PRELID2: variants seen among roughly 807,000 people sequenced by gnomAD.
PRELID2 encodes the protein PRELI domain-containing protein 2.
PRELID2 carries 25 observed loss-of-function variants against 28.4 expected under a neutral mutation model. That is an observed-to-expected ratio of 0.88 (90% CI 0.64 to 1.23). The LOEUF (loss-of-function observed/expected upper bound fraction) is 1.23. Ranked by LOEUF, PRELID2 falls within the 50% of genes most tolerant of loss-of-function variation. The probability of loss-of-function intolerance (pLI) is 0.00; values close to 1 mark genes in which losing one functional copy is unlikely to be tolerated. For missense variants in PRELID2, 201 were observed against 214.4 expected, an observed-to-expected ratio of 0.94 and a Z score of 0.39; for synonymous variants, 76 against 71.6, an observed-to-expected ratio of 1.06 and a Z score of -0.31.
In PRELID2 at chr5:145,799,065, T is replaced by G. The variant is rs192143862; in HGVS notation, c.369-2518A>C. 3.0e-3 allele frequency among the ~76,000 whole-genome samples: 456 copies of G among 149,556 alleles called. 4 individuals are homozygous for G. Among genetic ancestry groups the G allele is most frequent in the African/African-American group, 0.01 (419 of 40,248 alleles). On this transcript the variant is annotated intron_variant, in intron 4 of 6. Coordinates refer to ENST00000683046, the MANE Select transcript of PRELID2 (RefSeq NM_205846.3). ...ATAAAAGACTCACACCAAGACACAT[T>G]ATAGTCAAACTGTCAAAAGTCACAG...
At chr5:145,613,625 T>A (rs1340953407) in intron 1 of PRELID2, among the ~76,000 whole-genome samples, 4 of 152,092 alleles carry the variant, frequency 2.6e-5, no homozygotes, top group Non-Finnish European at 5.9e-5. Context: ...CATTTGTATA[T>A]CTTCTTTTGA....
At chr5:145,363,036 A>C in the PRELID2 span, among the ~76,000 whole-genome samples, 1 of 145,984 alleles carries the variant, frequency 6.9e-6, no homozygotes. Flanking sequence ...TTTCTTCTCC[A>C]CCATAGAGAT....
the PRELID2 span, among the ~76,000 whole-genome samples, chr5:145,337,686 AATATATATATATATATAT>A: frequency 0.26 from 21,081 of 80,124 alleles, 2,469 homozygotes; most frequent in Middle Eastern, 0.37. Context: ...GCATAGGGCA[AATATATATATATATATAT>A]ATATATATAT....
chr5:145,745,369 A>C (rs886889578), intron 1 of PRELID2, among the ~76,000 whole-genome samples: 1 of 152,210 alleles, frequency 6.6e-6, no homozygotes, highest in Non-Finnish European at 1.5e-5. Flanking sequence ...AACACCACTA[A>C]GATATTCCAT....
chr5:145,458,771 T>C, the PRELID2 span, among the ~76,000 whole-genome samples: 3 of 152,240 alleles, frequency 2.0e-5, no homozygotes, highest in African/African-American at 4.8e-5. Context: ...ATTGATTTCA[T>C]GCATTTTGGT....
intron 1 of PRELID2, among the ~76,000 whole-genome samples, chr5:145,606,322 G>C (rs1753504370): frequency 6.6e-6 from 1 of 152,098 alleles, no homozygotes; most frequent in East Asian, 1.9e-4. Flanking sequence ...CAAGTGGTGA[G>C]AATGTGAATC....
chr5:145,476,098 T>C (rs1274132159), intron 1 of PRELID2, among the ~76,000 whole-genome samples: 1 of 152,130 alleles, frequency 6.6e-6, no homozygotes, highest in African/African-American at 2.4e-5. Context: ...AATTAAGGAC[T>C]CTACCAAAAA....
At chr5:145,497,378 T>C (rs1752318388) in intron 1 of PRELID2, among the ~76,000 whole-genome samples, 1 of 151,684 alleles carries the variant, frequency 6.6e-6, no homozygotes, top group East Asian at 1.9e-4. Flanking sequence ...CTATATGTCT[T>C]TATTAATGAT....
chr5:145,455,788 G>A, the PRELID2 span, among the ~76,000 whole-genome samples: 1 of 152,094 alleles, frequency 6.6e-6, no homozygotes, highest in East Asian at 1.9e-4. Context: ...TTTGGCTAGG[G>A]GAGGGAGCTC....
the PRELID2 span, among the ~76,000 whole-genome samples, chr5:145,315,064 C>CTTTT: frequency 2.3e-4 from 23 of 100,576 alleles, no homozygotes; most frequent in South Asian, 3.2e-4. Flanking sequence ...TACAATAATT[C>CTTTT]TTTTTTTTTT....
chr5:145,334,914 C>T, the PRELID2 span, among the ~76,000 whole-genome samples: 1 of 151,882 alleles, frequency 6.6e-6, no homozygotes, highest in Non-Finnish European at 1.5e-5. Context: ...TCAAAATTCT[C>T]TCTTTTTCTT....
chr5:145,687,605 C>T (rs1487850686), intron 1 of PRELID2, among the ~76,000 whole-genome samples: 4 of 152,094 alleles, frequency 2.6e-5, no homozygotes, highest in Admixed American at 2.0e-4. Flanking sequence ...GATGTGTTAC[C>T]TTTCAGATTG....
At position 145,653,049 on chromosome 5, in the gene PRELID2, G is replaced by A. The variant is rs1271351425; in HGVS notation, n.70+111882C>T. On this transcript the variant is annotated intron_variant and non_coding_transcript_variant, in intron 1 of 2. Transcript: ENST00000510259. Reference sequence around the variant, plus strand: ...CACATAGGCTCAAAATAAAGGGATGGAAGAAGATCTACCAAGCAAATGGAA... The same window carrying A: ...CACATAGGCTCAAAATAAAGGGATGAAAGAAGATCTACCAAGCAAATGGAA... 2.0e-5 allele frequency among the ~76,000 whole-genome samples: 3 copies of A among 152,154 alleles called. No homozygotes were observed. The East Asian group carries it at 5.8e-4, about 29-fold the overall frequency.
intron 1 of PRELID2, among the ~76,000 whole-genome samples, chr5:145,589,336 G>T (rs1753195526): frequency 6.6e-6 from 1 of 152,048 alleles, no homozygotes; most frequent in Admixed American, 6.6e-5. Context: ...TCTACACAAG[G>T]TGAATTTTAA....
chr5:145,378,033 T>C, the PRELID2 span, among the ~76,000 whole-genome samples: 1 of 152,190 alleles, frequency 6.6e-6, no homozygotes. Flanking sequence ...AGGATGTTAT[T>C]TCTCCTCATT....
chr5:145,744,837 G>A (rs1039828517), intron 1 of PRELID2, among the ~76,000 whole-genome samples: 2 of 152,044 alleles, frequency 1.3e-5, no homozygotes, highest in African/African-American at 4.8e-5. Context: ...TCCAGCAAGG[G>A]TGCATAATTG....
intron 1 of PRELID2, among the ~76,000 whole-genome samples, chr5:145,687,266 C>T (rs888727380): frequency 9.9e-5 from 15 of 152,194 alleles, no homozygotes; most frequent in Admixed American, 2.6e-4. Context: ...GAAAAATGCA[C>T]AAGACATGTG....
the PRELID2 span, among the ~76,000 whole-genome samples, chr5:145,384,439 T>C: frequency 6.6e-6 from 1 of 152,212 alleles, no homozygotes; most frequent in Non-Finnish European, 1.5e-5. Context: ...ATGAATGATA[T>C]ATAAATACAT....
At chr5:145,612,111 T>G (rs1753625636) in intron 1 of PRELID2, among the ~76,000 whole-genome samples, 1 of 152,178 alleles carries the variant, frequency 6.6e-6, no homozygotes, top group African/African-American at 2.4e-5. Context: ...AACTTGATCC[T>G]TACTTCATAC....
Sources: allele counts gnomAD v4.1 joint callset (sites outside exome capture counted in the v4.1 genomes callset), GRCh38; gene constraint gnomAD v4.1.1; transcripts MANE v1.5; gene names NCBI Gene and HGNC (gene_info 2026-07-23, HGNC 2026-07-21).